IQSEC2: variants seen among roughly 807,000 people sequenced by gnomAD.
IQSEC2 encodes IQ motif and SEC7 domain-containing protein 2.
In IQSEC2, 6 loss-of-function variants were observed where a neutral mutation model predicts 74.6. The ratio of observed to expected loss-of-function variants is 0.08; its 90% CI spans 0.04 to 0.16. IQSEC2 has a LOEUF of 0.16. Among genes scored for constraint, IQSEC2 ranks in the 10% least tolerant of loss-of-function variants. IQSEC2 has a pLI of 1.00. For synonymous variants in IQSEC2, 494 were observed against 544.5 expected, an observed-to-expected ratio of 0.91 and a Z score of 1.29; for missense variants, 734 against 1,306.2, an observed-to-expected ratio of 0.56 and a Z score of 6.75.
At chrX:53,263,884 G>A (rs1046178325) in intron 2 of IQSEC2, among the ~76,000 whole-genome samples, 11 of 112,469 alleles carry the variant, frequency 9.8e-5, no homozygotes, top group African/African-American at 1.6e-4. Context: ...CAAGGGCAGC[G>A]GCCCGGTGTG....
intron 1 of IQSEC2, among the ~76,000 whole-genome samples, chrX:53,307,908 C>T (rs1288516366): frequency 1.9e-5 from 2 of 105,719 alleles, no homozygotes; most frequent in African/African-American, 6.9e-5. Context: ...AAAAAAAGGC[C>T]GGGCACGGCG....
rs2075096051 is a variant in IQSEC2, at chrX:53,291,187, T to C, written c.737+708A>G. ...GACACCTCTGCCTTCATGAAGCTTC[T>C]GATGGGGTAAGGCCTGGGAAATGCA... is the stretch of plus-strand genomic sequence containing the variant. On this transcript the variant is annotated intron_variant, in intron 2 of 14. Coordinates refer to ENST00000642864, the MANE Select transcript of IQSEC2 (RefSeq NM_001111125.3). 1.8e-5 allele frequency among the ~76,000 whole-genome samples: 2 copies of C among 110,714 alleles called. 1 individual carries two copies.
rs1423101398 is a variant in IQSEC2, at chrX:53,321,295, C to G, written c.-172G>C. On this transcript the variant is annotated 5_prime_UTR_variant, in exon 1 of 15. Coordinates refer to ENST00000642864, the MANE Select transcript of IQSEC2 (RefSeq NM_001111125.3). ...GCCCGGGAGACAGCGCTGGGGCCGG[C>G]GGCACGGGGAGCAGGAGCTGAGGCT... The G allele has an allele frequency of 3.3e-6, 1 of 299,192 alleles. No homozygotes were observed. Among genetic ancestry groups the G allele is most frequent in the African/African-American group, 2.9e-5 (1 of 34,752 alleles). The allele number at this position is 299,192 out of a possible 1,213,427, so 24.7% of individuals were successfully genotyped here.
intron 1 of IQSEC2, among the ~76,000 whole-genome samples, chrX:53,319,728 A>C (rs1313889979): frequency 4.5e-5 from 5 of 111,723 alleles, no homozygotes; most frequent in Non-Finnish European, 7.5e-5. Flanking sequence ...CAGAGGGGCA[A>C]TCTAGACTTC....
chrX:53,314,247 C>A (rs1398534282), intron 1 of IQSEC2, among the ~76,000 whole-genome samples: 4 of 112,192 alleles, frequency 3.6e-5, no homozygotes, highest in Non-Finnish European at 5.6e-5. Context: ...ATCAGACATT[C>A]ATTTATCTAC....
chrX:53,272,616 T>C (rs1304698373), intron 2 of IQSEC2, among the ~76,000 whole-genome samples: 1 of 111,350 alleles, frequency 9.0e-6, no homozygotes, highest in African/African-American at 3.3e-5. Flanking sequence ...GATTAGGAGA[T>C]GGTATCAGTA....
chrX:53,233,630 C>A lies in IQSEC2; in HGVS notation c.*589G>T, dbSNP rs781891788. ...AGCACTGCCCCACGTGGGGCCAACA[C>A]AAGCAGGGTCCCACCCACCAAGTGC... On this transcript the variant is annotated 3_prime_UTR_variant, in exon 15 of 15. Coordinates refer to ENST00000642864, the MANE Select transcript of IQSEC2 (RefSeq NM_001111125.3). 3.9e-6 allele frequency: 1 copy of A among 254,039 alleles called. No individual in the cohort carries two copies. The highest frequency in any genetic ancestry group is 7.0e-6 in the Non-Finnish European group (1 of 143,560). The allele number at this position is 254,039 out of a possible 1,213,427, so 20.9% of individuals were successfully genotyped here.
intron 7 of IQSEC2, among the ~76,000 whole-genome samples, chrX:53,247,412 C>T (rs2074324738): frequency 8.9e-6 from 1 of 112,173 alleles, no homozygotes; most frequent in African/African-American, 3.2e-5. Context: ...GATGAAGTGA[C>T]TAAGACTCAA....
chrX:53,269,819 C>T (rs1313144510), intron 2 of IQSEC2, among the ~76,000 whole-genome samples: 3 of 111,118 alleles, frequency 2.7e-5, no homozygotes, highest in Non-Finnish European at 5.7e-5. Context: ...CAGGCTGCAA[C>T]ATTTGACACT....
chrX:53,294,408 C>A (rs1359052665), intron 1 of IQSEC2, among the ~76,000 whole-genome samples: 1 of 112,394 alleles, frequency 8.9e-6, no homozygotes, highest in African/African-American at 3.2e-5. Context: ...ATAGAACAAT[C>A]ATCAGTGCTA....
intron 2 of IQSEC2, chrX:53,279,587 G>C: frequency 1.7e-6 from 2 of 1,198,383 alleles, no homozygotes; most frequent in Non-Finnish European, 2.3e-6. Context: ...GCCTGCCTGA[G>C]GGGGTAAGCT....
At position 53,321,114 on chromosome X, in the gene IQSEC2, C is replaced by T. The variant is rs2075428764; in HGVS notation, c.10G>A (p.Gly4Arg). 1 of 1,130,504 alleles carries T rather than the reference C, an allele frequency of 8.8e-7. No individual in the cohort carries two copies. The highest frequency in any genetic ancestry group is 1.8e-5 in the African/African-American group (1 of 54,831). The allele number at this position is 1,130,504 out of a possible 1,213,427, so 93.2% of individuals were successfully genotyped here. Residue 4 changes from glycine (G) to arginine (R), a missense_variant, in exon 1 of 15, where the codon GGG becomes AGG. Physicochemically the swap from Gly to Arg is moderately radical, Grantham distance 125 (BLOSUM62 -2). Transcript: ENST00000642864. The stretch of plus-strand genomic sequence containing the variant: ...CCCGGGCCGCCCGGGGGCCCCGACC[C>T]CGCCTCCATCCTGGCGGCCCAGGGG... MEA[G>R]SGPPGGPGSE... is the part of the protein sequence containing the mutation.
chrX:53,237,530 G>A (rs1556860003), intron 12 of IQSEC2: 3 of 115,905 alleles, frequency 2.6e-5, no homozygotes, highest in Admixed American at 8.6e-5. Flanking sequence ...GGAGGGCATC[G>A]GGAGGAATGA....
At chrX:53,270,104 G>A (rs2074719649) in intron 2 of IQSEC2, among the ~76,000 whole-genome samples, 1 of 110,704 alleles carries the variant, frequency 9.0e-6, no homozygotes, top group South Asian at 3.9e-4. Context: ...GCTCTACCAG[G>A]ATGGCCCTTT....
At chrX:53,260,998 G>A (rs1048965038) in intron 2 of IQSEC2, among the ~76,000 whole-genome samples, 2 of 110,900 alleles carry the variant, frequency 1.8e-5, no homozygotes, top group East Asian at 2.8e-4. Context: ...GCTCACCCCC[G>A]TTTTGGTTGC....
rs2075290901 is a variant in IQSEC2 at position 53,308,683 on chromosome X, C to T, written c.707+11734G>A. Among the ~76,000 whole-genome samples, 4 of 111,263 alleles carry T rather than the reference C, an allele frequency of 3.6e-5. No homozygotes were observed. In the Admixed American group the frequency reaches 3.8e-4, roughly 11 times the overall value. On this transcript the variant is annotated intron_variant, in intron 1 of 14. Coordinates refer to ENST00000642864, the MANE Select transcript of IQSEC2 (RefSeq NM_001111125.3). The stretch of plus-strand genomic sequence containing the variant: ...GGATGGCACTAATAACTATGTCTTA[C>T]AAAGTACGTGGTCAAGAGATGCTGT...
At chrX:53,273,121 AT>A (rs1556868921) in intron 2 of IQSEC2, among the ~76,000 whole-genome samples, 1 of 109,051 alleles carries the variant, frequency 9.2e-6, no homozygotes, top group African/African-American at 3.3e-5. Context: ...TGACTCCACT[AT>A]TTTTCCCCTA....
At chrX:53,276,237 A>C (rs782694054) in intron 2 of IQSEC2, among the ~76,000 whole-genome samples, 3 of 112,197 alleles carry the variant, frequency 2.7e-5, no homozygotes, top group Non-Finnish European at 5.6e-5. Flanking sequence ...CCGTTGATTA[A>C]ATTTTATAGT....
At chrX:53,295,249 T>C (rs1340886601) in intron 1 of IQSEC2, among the ~76,000 whole-genome samples, 2 of 112,167 alleles carry the variant, frequency 1.8e-5, no homozygotes, top group African/African-American at 6.5e-5. Context: ...ATAGTAACCA[T>C]ATTTTCTGAA....
Sources: gnomAD v4.1 joint callset for allele counts (sites outside exome capture counted in the v4.1 genomes callset) on GRCh38, gnomAD v4.1.1 for gene constraint, MANE v1.5 for transcripts, NCBI Gene and HGNC (gene_info 2026-07-23, HGNC 2026-07-21) for gene names.